GTPBP6: variants seen among roughly 807,000 people sequenced by gnomAD.
The protein encoded by GTPBP6 is GTP binding protein 6.
GTPBP6 carries 33 observed loss-of-function variants against 28.9 expected under a neutral mutation model. The ratio of observed to expected loss-of-function variants is 1.14; its 90% CI spans 0.87 to 1.53. The LOEUF (loss-of-function observed/expected upper bound fraction) is 1.53. Ranked by LOEUF, GTPBP6 falls within the 40% of genes most tolerant of loss-of-function variation. GTPBP6 has a pLI of 0.00. For missense variants in GTPBP6, 507 were observed against 408.3 expected (o/e 1.24, Z -2.08); for synonymous variants, 231 against 192.7 (o/e 1.20, Z -1.65).
At chrX:310,938 CTCTG>C (rs1042328549) in intron 7 of GTPBP6, among the ~76,000 whole-genome samples, 37 of 128,392 alleles carry the variant, frequency 2.9e-4, no homozygotes, top group Admixed American at 2.3e-3. Flanking sequence ...CGAACGGTCA[CTCTG>C]TCTGTCAGGG....
exon 5 of GTPBP6, chrX:314,182 C>T (rs370902810): frequency 5.0e-5 from 80 of 1,613,250 alleles, no homozygotes; most frequent in African/African-American, 1.2e-4. Flanking sequence ...GCCGACTCCT[C>T]GGTACAGGTG....
intron 5 of GTPBP6, among the ~76,000 whole-genome samples, chrX:313,926 C>T (rs1304271252): frequency 9.0e-6 from 1 of 111,540 alleles, no homozygotes; most frequent in South Asian, 2.6e-4. Context: ...AAACCACCAG[C>T]ATCTCCTATC....
intron 7 of GTPBP6, among the ~76,000 whole-genome samples, chrX:310,951 G>C (rs1000637681): frequency 1.3e-5 from 2 of 151,718 alleles, no homozygotes; most frequent in African/African-American, 4.8e-5. Flanking sequence ...TGTCTGTCAG[G>C]GGTCTGTGAC....
chrX:317,207 G>C (rs1386830260), intron 1 of GTPBP6, among the ~76,000 whole-genome samples, 156 bp from the exon 2 acceptor site: 70 of 152,150 alleles, frequency 4.6e-4, no homozygotes, highest in Non-Finnish European at 8.5e-4. Flanking sequence ...TCCCCCCAGG[G>C]CCTCTAAGTA....
intron 7 of GTPBP6, among the ~76,000 whole-genome samples, chrX:309,009 G>A (rs1273865531): frequency 1.3e-5 from 2 of 152,158 alleles, no homozygotes; most frequent in Non-Finnish European, 2.9e-5. Flanking sequence ...GCAGGCGTGA[G>A]CCACCACACC....
In GTPBP6 at chrX:311,589, C is replaced by T. The variant is rs190872190; in HGVS notation, c.955G>A (p.Ala319Thr). The T allele has an allele frequency of 1.8e-3, 2,947 of 1,612,068 alleles. 32 individuals are homozygous for T. The African/African-American group carries it at 0.032, about 17-fold the overall frequency. Residue 319 changes from alanine to threonine, a missense_variant, in exon 7 of 10, where the codon GCC (alanine) becomes ACC (threonine). By Grantham distance (58) the Ala-to-Thr change is moderately conservative (BLOSUM62 0). Transcript: ENST00000326153. Reference sequence around the variant, plus strand: ...AACAGCTGGTCCCGTGGCTGGATGGCGGCATCGCCCGTCAGTGCCTTGATC... The same window carrying T: ...AACAGCTGGTCCCGTGGCTGGATGGTGGCATCGCCCGTCAGTGCCTTGATC...
In GTPBP6 at chrX:314,152, G is replaced by A. The variant is rs368932658; in HGVS notation, c.755C>T (p.Ser252Leu). The change falls in exon 5 of 10, where the codon TCA (serine) becomes TTA (leucine). Residue 252 changes from serine to leucine, a missense_variant and splice_region_variant. Transcript: ENST00000326153. Reference sequence around the variant, plus strand: ...ACGCCGCGCCCGGCCCGAGTTACCTGACCCCATGATGTAGCGCGAGCCGAC... The same window carrying A: ...ACGCCGCGCCCGGCCCGAGTTACCTAACCCCATGATGTAGCGCGAGCCGAC... The A allele has an allele frequency of 3.2e-4, 516 of 1,610,708 alleles. 4 individuals carry two copies. The highest frequency in any genetic ancestry group is 1.3e-3 in the South Asian group (122 of 90,806).
At position 312,568 on chromosome X, in the gene GTPBP6, C is replaced by G. The variant is rs1335424527; in HGVS notation, c.916+198G>C. 1.1e-5 allele frequency: 8 copies of G among 710,112 alleles called. No homozygotes were observed. In the African/African-American group the frequency reaches 1.2e-4, roughly 11 times the overall value. The allele number at this position is 710,112 out of a possible 1,614,324, so 44.0% of individuals were successfully genotyped here. A position where few individuals can be genotyped will look rare whatever the true frequency, so the allele number is the denominator to read the frequency against. Reference sequence around the variant, plus strand: ...TACCCCACACAGAGACCACAGGAAACCCGTCTCCTGGGTGAGCTCTCACAG... The same window carrying G: ...TACCCCACACAGAGACCACAGGAAAGCCGTCTCCTGGGTGAGCTCTCACAG... On this transcript the variant is annotated intron_variant, in intron 6 of 9. Coordinates refer to ENST00000326153, the Ensembl canonical transcript of GTPBP6.
chrX:313,807 G>T lies in GTPBP6; in HGVS notation c.757+343C>A, dbSNP rs141072954. Among the ~76,000 whole-genome samples the T allele has an allele frequency of 1.2e-4, 19 of 152,316 alleles. No individual in the cohort carries two copies. The East Asian group carries it at 3.5e-3, about 28-fold the overall frequency. On this transcript the variant is annotated intron_variant, in intron 5 of 9. Transcript: ENST00000326153. ...AGAAGGAGCCCCTGGAGGGAGCGCAGCCCTGTCCTCACCTTGATCTCAGAG... is the reference window on the plus strand; with the variant it reads ...AGAAGGAGCCCCTGGAGGGAGCGCATCCCTGTCCTCACCTTGATCTCAGAG...
chrX:308,707 AT>A (rs1201891799), intron 7 of GTPBP6, among the ~76,000 whole-genome samples: 7 of 151,394 alleles, frequency 4.6e-5, no homozygotes, highest in East Asian at 2.0e-4. Flanking sequence ...AACAAAAAAA[AT>A]AATTTCATCC....
chrX:312,599 G>A (rs2070331241), intron 6 of GTPBP6, 167 bp downstream of exon 6: 11 of 749,248 alleles, frequency 1.5e-5, no homozygotes, highest in Non-Finnish European at 2.6e-5. Context: ...CACAGCAGCT[G>A]GTGTACCCCA....
intron 9 of GTPBP6, among the ~76,000 whole-genome samples, chrX:305,748 C>T (rs1436611601): frequency 6.7e-6 from 1 of 150,364 alleles, no homozygotes; most frequent in Non-Finnish European, 1.5e-5. Flanking sequence ...CCTTAGCCTC[C>T]CGAGTAGCTG....
In GTPBP6 at chrX:308,629, G is replaced by A. The variant is rs772271402; in HGVS notation, c.1126-749C>T. Among the ~76,000 whole-genome samples, 27 of 151,876 alleles carry A rather than the reference G, an allele frequency of 1.8e-4. No homozygotes were observed. The East Asian group carries it at 2.5e-3, about 14-fold the overall frequency. On this transcript the variant is annotated intron_variant, in intron 7 of 9. Coordinates refer to ENST00000326153, the Ensembl canonical transcript of GTPBP6. ...CAGGAGGTCGAGGCTGCAGTGAGCC[G>A]AGATCATACCACTGCGGTTCAGTCT...
chrX:314,278 C>G (rs776315018), intron 4 of GTPBP6, 61 bp from the exon 5 acceptor site: 6 of 1,411,066 alleles, frequency 4.3e-6, no homozygotes, highest in African/African-American at 4.2e-5. Flanking sequence ...CGGCAGAGGT[C>G]GAGGTGAAGG....
At chrX:315,355 G>C (rs1392634777) in intron 2 of GTPBP6, 56 bp from the exon 3 acceptor site, 16 of 398,556 alleles carry the variant, frequency 4.0e-5, no homozygotes, top group African/African-American at 2.3e-4. Flanking sequence ...GTGGACTGTG[G>C]GATGAGCCCA....
rs369785686 is a variant in GTPBP6 at position 307,560 on chromosome X, G to C, written c.1275-48C>G. The stretch of plus-strand genomic sequence containing the variant: ...GGCCCCGCTCAGCGTCGGGGCGGCC[G>C]GACGAAATCAGGGTCCCCAGGAGTC... On this transcript the variant is annotated intron_variant, in intron 8 of 9. Transcript: ENST00000326153. 2.3e-5 allele frequency: 37 copies of C among 1,591,040 alleles called. No homozygotes were observed. The African/African-American group carries it at 4.7e-4, about 20-fold the overall frequency.
At chrX:312,898 G>A (rs775430654) in exon 6 of GTPBP6, 78 of 1,612,238 alleles carry the variant, frequency 4.8e-5, no homozygotes, top group South Asian at 3.7e-4. Context: ...CTCAGGAGAC[G>A]CTGCTGCAGC....
chrX:313,563 C>T (rs113663082), intron 5 of GTPBP6, among the ~76,000 whole-genome samples: 2,896 of 152,200 alleles, frequency 0.019, 94 homozygotes, highest in African/African-American at 0.063. Context: ...GTCAATGGGA[C>T]CTTATTTGAA....
At chrX:306,744 G>A (rs1312891182) in intron 9 of GTPBP6, among the ~76,000 whole-genome samples, 1 of 148,874 alleles carries the variant, frequency 6.7e-6, no homozygotes, top group Non-Finnish European at 1.5e-5. Context: ...TGGCTGTCAA[G>A]CACAGATTAG....
Sources: gnomAD v4.1 joint callset for allele counts (sites outside exome capture counted in the v4.1 genomes callset) on GRCh38, gnomAD v4.1.1 for gene constraint, MANE v1.5 for transcripts, NCBI Gene and HGNC (gene_info 2026-07-23, HGNC 2026-07-21) for gene names.